The following UCP3 variants were observed in gnomAD, a reference collection of about 807,000 sequenced individuals.
UCP3 encodes uncoupling protein 3, also known as putative mitochondrial transporter UCP3.
Under a neutral mutation model 28.1 loss-of-function variants are expected in UCP3, and 24 were observed. The ratio of observed to expected loss-of-function variants is 0.85; its 90% CI spans 0.62 to 1.20. The LOEUF (loss-of-function observed/expected upper bound fraction) is 1.20. UCP3 is among the 50% of genes most tolerant of loss of function. The probability of loss-of-function intolerance (pLI) is 0.00; values close to 1 mark genes in which losing one functional copy is unlikely to be tolerated. For synonymous variants in UCP3, 184 were observed against 171.2 expected, an observed-to-expected ratio of 1.07 and a Z score of -0.59; for missense variants, 397 against 422.2, an observed-to-expected ratio of 0.94 and a Z score of 0.52.
In UCP3 at chr11:74,001,477, C is replaced by T. The variant is rs752412908; in HGVS notation, c.874G>A (p.Val292Ile). The T allele has an allele frequency of 2.4e-5, 38 of 1,613,984 alleles. 1 individual carries two copies. The Middle Eastern group carries it at 4.9e-4, about 21-fold the overall frequency. The change falls in exon 7 of 7, where the codon GTA becomes ATA. Residue 292 changes from valine (V) to isoleucine (I), a missense_variant. Coordinates refer to ENST00000314032, the MANE Select transcript of UCP3 (RefSeq NM_003356.4). ...RLGSWNVVMF[V>I]TYEQLKRALM... Reference sequence around the variant, plus strand: ...GCCCGTTTCAGCTGCTCATAGGTTACGAACATCACCACGTTCCAGGATCCC... The same window carrying T: ...GCCCGTTTCAGCTGCTCATAGGTTATGAACATCACCACGTTCCAGGATCCC...
chr11:74,003,868 T>C lies in UCP3; in HGVS notation c.783A>G (p.Ile261Met). ...GQYFSPLDCMIKMVAQEGPTA... is the reference protein window; with the variant it reads ...GQYFSPLDCMMKMVAQEGPTA... ...TGGGGCCCTCCTGGGCCACCATCTT[T>C]ATCATACAGTCGAGGGGGCTGAAGT... The change falls in exon 6 of 7, where the codon ATA becomes ATG. Residue 261 changes from isoleucine to methionine, a missense_variant. Coordinates refer to ENST00000314032, the MANE Select transcript of UCP3 (RefSeq NM_003356.4). The C allele has an allele frequency of 6.2e-7, 1 of 1,613,852 alleles. No individual in the cohort carries two copies. The highest frequency in any genetic ancestry group is 8.5e-7 in the Non-Finnish European group (1 of 1,179,834).
intron 6 of UCP3, chr11:74,002,743 GC>G: frequency 1.0e-6 from 1 of 985,196 alleles, no homozygotes; most frequent in Non-Finnish European, 1.2e-6. Flanking sequence ...AATGATAGAG[GC>G]ACTTTTTGGA....
intron 5 of UCP3, 67 bp downstream of exon 5, chr11:74,004,417 A>G: frequency 1.4e-6 from 2 of 1,476,778 alleles, no homozygotes; most frequent in Admixed American, 3.5e-5. Flanking sequence ...GGTGGTGCCC[A>G]CTCCACGGAG....
chr11:74,007,724 G>A (rs1264564208), intron 1 of UCP3, among the ~76,000 whole-genome samples: 1 of 152,134 alleles, frequency 6.6e-6, no homozygotes, highest in Non-Finnish European at 1.5e-5. Flanking sequence ...TGGAATGGAT[G>A]GACACAGACT....
At chr11:74,003,025 T>A (rs1452487575) in intron 6 of UCP3, 7 of 835,234 alleles carry the variant, frequency 8.4e-6, no homozygotes, top group Non-Finnish European at 1.0e-5. Flanking sequence ...TTAACTTTTC[T>A]GACACTCAGT....
Position 74,006,943 on chromosome 11 carries a change from G to C in UCP3, c.100C>G (p.Leu34Val), listed in dbSNP as rs753004564. 1.2e-5 allele frequency: 20 copies of C among 1,614,120 alleles called. No homozygotes were observed. In the Admixed American group the frequency reaches 3.0e-4, roughly 24 times the overall value. ...TGCAGGCGGACCTTGGCTGTGTCCA[G>C]TGGAAAGGTAACGAGGTCAGCAAAA... ...ACFADLVTFPLDTAKVRLQIQ... is the reference protein window; with the variant it reads ...ACFADLVTFPVDTAKVRLQIQ... The change falls in exon 2 of 7, where the codon CTG becomes GTG. Residue 34 changes from leucine to valine, a missense_variant. Coordinates refer to ENST00000314032, the MANE Select transcript of UCP3 (RefSeq NM_003356.4).
In UCP3 at chr11:74,001,111, C is replaced by G; in HGVS notation, c.*301G>C. 1 of 393,666 alleles carries G rather than the reference C, an allele frequency of 2.5e-6. No individual in the cohort carries two copies. The highest frequency in any genetic ancestry group is 5.1e-5 in the East Asian group (1 of 19,556). The allele number at this position is 393,666 out of a possible 1,614,324, so 24.4% of individuals were successfully genotyped here. The stretch of plus-strand genomic sequence containing the variant: ...CACGTCTCCAACCTTCCATTTTGTC[C>G]AAATGGATCTATCTTGGTTTATTTT... On this transcript the variant is annotated 3_prime_UTR_variant, in exon 7 of 7. Coordinates refer to ENST00000314032, the MANE Select transcript of UCP3 (RefSeq NM_003356.4).
Position 74,001,413 on chromosome 11 carries a change from C to G in UCP3, c.938G>C (p.Ter313SerextTer8). ...CTACCAGTGGCCTTCTTGTCTTGTT[C>G]AAAACGGTGATTCCCGTAACATCTG... ...KVQMLRESPF[*>S] is the part of the protein sequence containing the mutation. Residue 313 changes from the stop codon to serine, a stop_lost, in exon 7 of 7, where the codon TGA becomes TCA. Transcript: ENST00000314032. The G allele has an allele frequency of 6.2e-7, 1 of 1,614,140 alleles. No homozygotes were observed. The highest frequency in any genetic ancestry group is 2.2e-5 in the East Asian group (1 of 44,876).
chr11:74,006,113 TC>T, intron 3 of UCP3, 55 bp downstream of exon 3: 1 of 1,604,080 alleles, frequency 6.2e-7, no homozygotes, highest in South Asian at 1.1e-5. Context: ...TTCCCTGGTC[TC>T]TTGACCCACA....
Position 74,006,937 on chromosome 11 carries a change from T to C in UCP3, c.106A>G (p.Thr36Ala), listed in dbSNP as rs2135389933. The change falls in exon 2 of 7, where the codon ACA (threonine) becomes GCA (alanine). Residue 36 changes from threonine to alanine, a missense_variant. Coordinates refer to ENST00000314032, the MANE Select transcript of UCP3 (RefSeq NM_003356.4). Reference protein sequence around the residue: ...FADLVTFPLDTAKVRLQIQGE... With the variant: ...FADLVTFPLDAAKVRLQIQGE... ...CCTACCTGCAGGCGGACCTTGGCTG[T>C]GTCCAGTGGAAAGGTAACGAGGTCA... 1 of 1,614,190 alleles carries C rather than the reference T, an allele frequency of 6.2e-7. No individual in the cohort carries two copies. The highest frequency in any genetic ancestry group is 8.5e-7 in the Non-Finnish European group (1 of 1,180,030).
intron 6 of UCP3, chr11:74,003,332 A>C: frequency 2.8e-6 from 1 of 356,390 alleles, no homozygotes; most frequent in Non-Finnish European, 3.9e-6. Context: ...ATGGCATTGC[A>C]GAAGTTCCCA....
intron 2 of UCP3, 74 bp downstream of exon 2, chr11:74,006,843 C>A (rs750712854): frequency 1.1e-5 from 17 of 1,610,832 alleles, no homozygotes; most frequent in Non-Finnish European, 1.4e-5. Context: ...TGTGGGCACA[C>A]GTCATGGGGG....
Position 74,003,978 on chromosome 11 carries a change from A to AGT in UCP3, c.672_673insAC (p.Phe225ThrfsTer18). On this transcript the variant is annotated frameshift_variant, in exon 6 of 7. Transcript: ENST00000314032. LOFTEE classifies it high-confidence loss of function. ...ACTGTGGCACAGAAGCCGGCTCCAA[A>AGT]GGCAGAGACAAAGTGGCAGGGGAAG... 6.2e-7 allele frequency: 1 copy of AGT among 1,614,086 alleles called. No individual in the cohort carries two copies.
At chr11:74,004,078 C>T in intron 5 of UCP3, 71 bp from the exon 6 acceptor site, 4 of 1,580,940 alleles carry the variant, frequency 2.5e-6, no homozygotes, top group Non-Finnish European at 2.6e-6. Flanking sequence ...ACTGTTTGTC[C>T]CCAACTCAAC....
In UCP3 at chr11:74,001,489, C is replaced by T. The variant is rs201948640; in HGVS notation, c.862G>A (p.Val288Met). ...TGCTCATAGGTTACGAACATCACCA[C>T]GTTCCAGGATCCCAAACGCAAAAAG... ...PSFLRLGSWN[V>M]VMFVTYEQLK... The change falls in exon 7 of 7, where the codon GTG becomes ATG. Residue 288 changes from valine to methionine, a missense_variant. Transcript: ENST00000314032. 1.8e-4 allele frequency: 284 copies of T among 1,614,026 alleles called. 1 individual carries two copies. Among genetic ancestry groups the T allele is most frequent in the East Asian group, 1.6e-4 (7 of 44,900 alleles).
chr11:74,008,075 C>T (rs1308963521), intron 1 of UCP3, among the ~76,000 whole-genome samples: 1 of 152,180 alleles, frequency 6.6e-6, no homozygotes, highest in Non-Finnish European at 1.5e-5. Context: ...TGATTTGATC[C>T]CTTCATAAGG....
At position 74,006,278 on chromosome 11, in the gene UCP3, G is replaced by T. The variant is rs770281351; in HGVS notation, c.228C>A (p.Ser76Arg). ...LTMVRTEGPC[S>R]PYNGLVAGLQ... ...GGCCGGCCACCAGCCCATTGTAGGGGCTGCAGGGACCCTCAGTCCGCACCA... is the reference window on the plus strand; with the variant it reads ...GGCCGGCCACCAGCCCATTGTAGGGTCTGCAGGGACCCTCAGTCCGCACCA... Residue 76 changes from serine to arginine, a missense_variant, in exon 3 of 7, where the codon AGC (serine) becomes AGA (arginine). Transcript: ENST00000314032. The T allele has an allele frequency of 6.2e-7, 1 of 1,613,198 alleles. No homozygotes were observed. Among genetic ancestry groups the T allele is most frequent in the Non-Finnish European group, 8.5e-7 (1 of 1,179,964 alleles).
Position 74,007,124 on chromosome 11 carries a change from G to A in UCP3, c.-82C>T. ...GGCTGCTCCACAGCCCTGGGCTTCA[G>A]TGCAGCGGTGGGGCTGCAGGAGACA... On this transcript the variant is annotated 5_prime_UTR_variant, in exon 2 of 7. Transcript: ENST00000314032. The A allele has an allele frequency of 6.4e-7, 1 of 1,566,702 alleles. No homozygotes were observed.
intron 5 of UCP3, 101 bp downstream of exon 5, chr11:74,004,383 C>T (rs1047367371): frequency 5.5e-6 from 6 of 1,084,892 alleles, no homozygotes; most frequent in Non-Finnish European, 6.8e-6. Flanking sequence ...TCTCTCTGCT[C>T]CTTCTAAAAC....
Sources: gnomAD v4.1 joint callset for allele counts (sites outside exome capture counted in the v4.1 genomes callset) on GRCh38, gnomAD v4.1.1 for gene constraint, MANE v1.5 for transcripts, NCBI Gene and HGNC (gene_info 2026-07-23, HGNC 2026-07-21) for gene names.